MNAT1: variants seen among roughly 807,000 people sequenced by gnomAD.
The protein encoded by MNAT1 is MNAT1 component of CDK activating kinase.
Under a neutral mutation model 42.0 loss-of-function variants are expected in MNAT1, and 43 were observed. The observed-to-expected ratio is 1.02, with a 90% CI of 0.80 to 1.32. The LOEUF (loss-of-function observed/expected upper bound fraction) is 1.32, where lower values mean the gene tolerates loss of function less well. Ranked by LOEUF, MNAT1 falls within the 40% of genes most tolerant of loss-of-function variation. The pLI, the probability that MNAT1 is intolerant of heterozygous loss-of-function variation, is 0.00. For missense variants in MNAT1, 306 were observed against 350.4 expected (o/e 0.87, Z 1.01); for synonymous variants, 118 against 120.0 (o/e 0.98, Z 0.11).
intron 6 of MNAT1, among the ~76,000 whole-genome samples, chr14:60,858,983 A>G (rs1290056159): frequency 1.3e-5 from 2 of 152,240 alleles, no homozygotes; most frequent in East Asian, 3.8e-4. Context: ...AACCTGCAAT[A>G]TCTCCGAAGT....
At chr14:60,960,914 CA>C (rs1176538928) in intron 7 of MNAT1, among the ~76,000 whole-genome samples, 1 of 152,150 alleles carries the variant, frequency 6.6e-6, no homozygotes, top group African/African-American at 2.4e-5. Context: ...ATTGGGCAGC[CA>C]AAGTGGACCA....
intron 6 of MNAT1, among the ~76,000 whole-genome samples, chr14:60,819,835 G>T (rs553349398): frequency 3.9e-5 from 6 of 152,180 alleles, no homozygotes; most frequent in African/African-American, 1.4e-4. Context: ...TCTGTGGAAC[G>T]GTGATGATAA....
intron 6 of MNAT1, among the ~76,000 whole-genome samples, chr14:60,831,824 C>T (rs1193150683): frequency 6.6e-6 from 1 of 152,080 alleles, no homozygotes. Context: ...TTTCTCCACA[C>T]CCTCTCTAGC....
At chr14:60,789,719 C>T (rs2031759807) in intron 1 of MNAT1, among the ~76,000 whole-genome samples, 1 of 152,166 alleles carries the variant, frequency 6.6e-6, no homozygotes, top group Non-Finnish European at 1.5e-5. Flanking sequence ...ATCACATGCA[C>T]ACCCTTTTTA....
At chr14:60,841,487 TC>T (rs947001622) in intron 6 of MNAT1, among the ~76,000 whole-genome samples, 5 of 152,194 alleles carry the variant, frequency 3.3e-5, no homozygotes, top group Non-Finnish European at 5.9e-5. Flanking sequence ...TCTGTTTGGG[TC>T]TTTTTTGCAC....
intron 1 of MNAT1, among the ~76,000 whole-genome samples, chr14:60,783,984 C>T (rs1469324907): frequency 6.6e-6 from 1 of 151,804 alleles, no homozygotes; most frequent in Non-Finnish European, 1.5e-5. Flanking sequence ...CCACTATGCC[C>T]AGCTAATTTA....
At chr14:60,805,216 C>CT (rs3831810) in intron 3 of MNAT1, among the ~76,000 whole-genome samples, 141,106 of 151,906 alleles carry the variant, frequency 0.93, 66,015 homozygotes, top group Non-Finnish European at 0.99. Flanking sequence ...GAAGTTTTTT[C>CT]TTTTTTCTTT....
chr14:60,920,883 A>AT (rs1383754452), intron 7 of MNAT1, among the ~76,000 whole-genome samples: 2 of 152,216 alleles, frequency 1.3e-5, no homozygotes, highest in Non-Finnish European at 2.9e-5. Context: ...TTAGGAAATT[A>AT]TTAGACATGT....
chr14:60,819,918 T>G (rs1161657573), intron 6 of MNAT1, among the ~76,000 whole-genome samples: 1 of 152,186 alleles, frequency 6.6e-6, no homozygotes, highest in African/African-American at 2.4e-5. Flanking sequence ...TATTGTAAGC[T>G]CTCAATAATT....
chr14:60,819,388 G>T (rs944910298), intron 6 of MNAT1, among the ~76,000 whole-genome samples: 79 of 143,772 alleles, frequency 5.5e-4, no homozygotes, highest in Non-Finnish European at 1.0e-3. Flanking sequence ...ACTTTTACAG[G>T]TTTTTTTTTT....
intron 7 of MNAT1, among the ~76,000 whole-genome samples, chr14:60,908,386 A>C (rs557340553): frequency 3.9e-5 from 6 of 152,188 alleles, no homozygotes; most frequent in South Asian, 2.1e-4. Flanking sequence ...TTTGTTACAT[A>C]TGTATACATG....
chr14:60,851,918 A>G (rs548779629), intron 6 of MNAT1, among the ~76,000 whole-genome samples: 38 of 152,232 alleles, frequency 2.5e-4, no homozygotes, highest in African/African-American at 7.9e-4. Flanking sequence ...TCCATGGTGT[A>G]TATGTGCCAC....
intron 6 of MNAT1, among the ~76,000 whole-genome samples, chr14:60,863,441 T>G (rs1206117009): frequency 1.3e-5 from 2 of 152,148 alleles, no homozygotes; most frequent in Admixed American, 1.3e-4. Flanking sequence ...CAAATGCAGC[T>G]GATTGGCAGT....
chr14:60,812,194 G>T, intron 5 of MNAT1, 67 bp downstream of exon 5: 1 of 1,410,350 alleles, frequency 7.1e-7, no homozygotes, highest in Non-Finnish European at 9.4e-7. Context: ...TAGTAGGCTG[G>T]ATGATGGCAT....
chr14:60,952,882 A>C (rs1347283077), intron 7 of MNAT1, among the ~76,000 whole-genome samples: 1 of 152,134 alleles, frequency 6.6e-6, no homozygotes, highest in Non-Finnish European at 1.5e-5. Flanking sequence ...AAAATTAGTA[A>C]TTAGGAAATA....
chr14:60,836,811 C>T (rs1025928000), intron 6 of MNAT1, among the ~76,000 whole-genome samples: 3 of 152,176 alleles, frequency 2.0e-5, no homozygotes, highest in Admixed American at 6.5e-5. Flanking sequence ...CAGGCAGGAA[C>T]GTTTATGTCT....
At chr14:60,889,625 T>G (rs902759575) in intron 7 of MNAT1, among the ~76,000 whole-genome samples, 8 of 152,104 alleles carry the variant, frequency 5.3e-5, no homozygotes, top group Non-Finnish European at 8.8e-5. Flanking sequence ...CTAAAGAGCT[T>G]CTTCACAGCA....
chr14:60,908,139 T>G (rs2035253882), intron 7 of MNAT1, among the ~76,000 whole-genome samples: 1 of 152,152 alleles, frequency 6.6e-6, no homozygotes, highest in Non-Finnish European at 1.5e-5. Context: ...ATAGTCCATT[T>G]TGTGCTTATA....
Position 60,918,021 on chromosome 14 carries a change from T to C in MNAT1, c.809+38186T>C, listed in dbSNP as rs138696759. 4.3e-4 allele frequency among the ~76,000 whole-genome samples: 65 copies of C among 152,058 alleles called. 1 individual carries two copies. In the East Asian group the frequency reaches 0.012, roughly 29 times the overall value. Reference sequence around the variant, plus strand: ...AAATACATCAGCAGGTTTAAGCTTATCATTATCTCTTACTCTTTTTGTCTT... The same window carrying C: ...AAATACATCAGCAGGTTTAAGCTTACCATTATCTCTTACTCTTTTTGTCTT... On this transcript the variant is annotated intron_variant, in intron 7 of 7. Coordinates refer to ENST00000261245, the MANE Select transcript of MNAT1 (RefSeq NM_002431.4).
Sources: allele counts gnomAD v4.1 joint callset (sites outside exome capture counted in the v4.1 genomes callset), GRCh38; gene constraint gnomAD v4.1.1; transcripts MANE v1.5; gene names NCBI Gene and HGNC (gene_info 2026-07-23, HGNC 2026-07-21).